Variants in MYO5A observed in about 807,000 individuals in gnomAD.
MYO5A encodes unconventional myosin-Va.
MYO5A carries 98 observed loss-of-function variants against 249.7 expected under a neutral mutation model. The observed-to-expected ratio is 0.39, with a 90% CI of 0.33 to 0.46. The LOEUF (loss-of-function observed/expected upper bound fraction) is 0.46, where lower values mean the gene tolerates loss of function less well. MYO5A is among the 20% of genes least tolerant of loss of function. MYO5A has a pLI of 0.98. For missense variants in MYO5A, 1,696 were observed against 2,308.8 expected, an observed-to-expected ratio of 0.73 and a Z score of 5.44; for synonymous variants, 778 against 810.6, an observed-to-expected ratio of 0.96 and a Z score of 0.68.
At chr15:52,362,986 ATC>A (rs2040610917) in intron 24 of MYO5A, among the ~76,000 whole-genome samples, 2 of 152,248 alleles carry the variant, frequency 1.3e-5, no homozygotes, top group African/African-American at 4.8e-5. Context: ...ACATTTGTTT[ATC>A]TCTGTTTAAC....
At chr15:52,326,295 AT>A (rs1317152552) in intron 36 of MYO5A, among the ~76,000 whole-genome samples, 1 of 152,250 alleles carries the variant, frequency 6.6e-6, no homozygotes, top group Non-Finnish European at 1.5e-5. Flanking sequence ...AAACTTTATG[AT>A]TTAGTTTTTT....
intron 36 of MYO5A, among the ~76,000 whole-genome samples, 189 bp downstream of exon 36, chr15:52,327,663 T>C (rs2038675367): frequency 6.6e-6 from 1 of 152,186 alleles, no homozygotes; most frequent in African/African-American, 2.4e-5. Context: ...TCAGCTGAGA[T>C]TGCACTACTG....
chr15:52,450,788 T>G (rs916394322), intron 1 of MYO5A, among the ~76,000 whole-genome samples: 14 of 150,864 alleles, frequency 9.3e-5, no homozygotes, highest in Non-Finnish European at 1.8e-4. Context: ...TAGACGTAAG[T>G]CACCACATCT....
At chr15:52,321,274 C>A in intron 38 of MYO5A, 85 bp downstream of exon 38, 1 of 1,560,266 alleles carries the variant, frequency 6.4e-7, no homozygotes, top group Non-Finnish European at 8.8e-7. Flanking sequence ...GAATACCTGC[C>A]CTGAAACATG....
chr15:52,522,189 T>C (rs2077635893), intron 1 of MYO5A, among the ~76,000 whole-genome samples: 1 of 152,112 alleles, frequency 6.6e-6, no homozygotes, highest in Non-Finnish European at 1.5e-5. Context: ...TCCCTGAAGA[T>C]GTTGGGGAAG....
rs2043094678 is a variant in MYO5A, at chr15:52,408,241, A to C, written c.757-101T>G. ...TAATATTTAATTATCTCAGTTGGTTAAATAAATTATACTTTCCTATATTTC... is the reference window on the plus strand; with the variant it reads ...TAATATTTAATTATCTCAGTTGGTTCAATAAATTATACTTTCCTATATTTC... On this transcript the variant is annotated intron_variant, in intron 6 of 41. Coordinates refer to ENST00000399233, the MANE Select transcript of MYO5A (RefSeq NM_001382347.1). 7 of 710,926 alleles carry C rather than the reference A, an allele frequency of 9.8e-6. 1 individual carries two copies. Among genetic ancestry groups the C allele is most frequent in the South Asian group, 8.1e-5 (5 of 61,444 alleles). 44.0% of individuals were successfully genotyped at this position (710,926 alleles called of 1,614,324 possible). A position where few individuals can be genotyped will look rare whatever the true frequency, so the allele number is the denominator to read the frequency against.
chr15:52,364,480 A>T, intron 24 of MYO5A, 74 bp downstream of exon 24: 1 of 1,406,194 alleles, frequency 7.1e-7, no homozygotes, highest in Non-Finnish European at 9.8e-7. Flanking sequence ...ATGGAGGTTC[A>T]TTCTACTATT....
chr15:52,459,652 C>T (rs2076197526), intron 1 of MYO5A, among the ~76,000 whole-genome samples: 1 of 152,266 alleles, frequency 6.6e-6, no homozygotes, highest in Non-Finnish European at 1.5e-5. Context: ...CCGCCATTGT[C>T]ATCACGGCCC....
At chr15:52,431,648 G>A (rs2075539676) in intron 2 of MYO5A, among the ~76,000 whole-genome samples, 1 of 149,942 alleles carries the variant, frequency 6.7e-6, no homozygotes, top group South Asian at 2.1e-4. Flanking sequence ...GAAATACAGG[G>A]TAAGTATCTT....
intron 1 of MYO5A, among the ~76,000 whole-genome samples, chr15:52,433,999 C>CTTTTT (rs398043307): frequency 3.9e-5 from 5 of 127,302 alleles, no homozygotes; most frequent in Non-Finnish European, 5.0e-5. Context: ...CTTTCTTTTT[C>CTTTTT]TTTTTTTTTT....
At chr15:52,433,412 A>ATT (rs2075585468) in intron 1 of MYO5A, 127 bp from the exon 2 acceptor site, 38 of 362,086 alleles carry the variant, frequency 1.0e-4, no homozygotes, top group South Asian at 2.9e-4. Context: ...CATGAAATTC[A>ATT]CTTTTTTTTT....
intron 24 of MYO5A, 151 bp from the exon 25 acceptor site, chr15:52,360,232 T>A: frequency 1.5e-6 from 1 of 683,298 alleles, no homozygotes; most frequent in Non-Finnish European, 2.7e-6. Context: ...GACCAAATAA[T>A]TACAAAAAGG....
At chr15:52,528,918 G>A (rs1289387468), upstream of MYO5A, 5 of 991,572 alleles carry the variant, frequency 5.0e-6, no homozygotes, top group African/African-American at 8.7e-5. Flanking sequence ...AGCAGGGCAG[G>A]GCAGGGCCGG....
At chr15:52,455,204 AAATCCTAGAATAAATTGAT>A (rs1211840633) in intron 1 of MYO5A, among the ~76,000 whole-genome samples, 13 of 152,240 alleles carry the variant, frequency 8.5e-5, no homozygotes, top group African/African-American at 3.1e-4. Flanking sequence ...AACAAATTGG[AAATCCTAGAATAAATTGAT>A]AATTCCTGGA....
In MYO5A at chr15:52,410,382, C is replaced by A; in HGVS notation, c.707G>T (p.Gly236Val). Residue 236 changes from glycine (G) to valine (V), a missense_variant, in exon 6 of 42, where the codon GGT becomes GTT. Around this residue, in one of 5 missense-constraint regions of MYO5A, gnomAD observed 197 missense variants for 320.3 expected, o/e 0.62. Coordinates refer to ENST00000399233, the MANE Select transcript of MYO5A (RefSeq NM_001382347.1). ...TAAAAGATAAGTTCTCATATTGGCA[C>A]CAATGATTCGATATCTCTTATCAAA... ...IGFDKRYRII[G>V]ANMRTYLLEK... 1 of 1,613,784 alleles carries A rather than the reference C, an allele frequency of 6.2e-7. No homozygotes were observed.
chr15:52,489,561 T>TAAAAAAAA (rs757979547), intron 1 of MYO5A, among the ~76,000 whole-genome samples: 1 of 99,196 alleles, frequency 1.0e-5, no homozygotes, highest in African/African-American at 3.7e-5. Context: ...AGACTTTGTC[T>TAAAAAAAA]AAAAAAAAAA....
At chr15:52,393,473 A>G (rs538482822) in intron 11 of MYO5A, among the ~76,000 whole-genome samples, 168 of 150,970 alleles carry the variant, frequency 1.1e-3, no homozygotes, top group African/African-American at 4.0e-3. Flanking sequence ...GGCTCACTGC[A>G]ACCTCCACCT....
Position 52,345,513 on chromosome 15 carries a change from G to T in MYO5A, c.3959+848C>A, listed in dbSNP as rs188058687. Among the ~76,000 whole-genome samples the T allele has an allele frequency of 3.8e-3, 569 of 151,692 alleles. 4 individuals are homozygous for T. The highest frequency in any genetic ancestry group is 6.8e-3 in the Middle Eastern group (2 of 294). On this transcript the variant is annotated intron_variant, in intron 30 of 41. Transcript: ENST00000399233. ...GGCAGGAGAATCGCTTGAACCTGGGGGGCGGAGGTTGCAGTGAGCTGAGAT... is the reference window on the plus strand; with the variant it reads ...GGCAGGAGAATCGCTTGAACCTGGGTGGCGGAGGTTGCAGTGAGCTGAGAT...
chr15:52,445,518 A>C (rs1049315550), intron 1 of MYO5A, among the ~76,000 whole-genome samples: 3 of 152,206 alleles, frequency 2.0e-5, no homozygotes, highest in African/African-American at 7.2e-5. Flanking sequence ...CATACAGATA[A>C]CTGAAAATGT....
Sources: gnomAD v4.1 joint callset for allele counts (sites outside exome capture counted in the v4.1 genomes callset) on GRCh38, gnomAD v4.1.1 for gene constraint, gnomAD v4.1.1 regional missense constraint, MANE v1.5 for transcripts, NCBI Gene and HGNC (gene_info 2026-07-23, HGNC 2026-07-21) for gene names.